Variants in GRID2IP observed in about 807,000 individuals in gnomAD.
The protein encoded by GRID2IP is delphilin.
In GRID2IP, 78 loss-of-function variants were observed where a neutral mutation model predicts 114.3. The ratio of observed to expected loss-of-function variants is 0.68; its 90% confidence interval spans 0.57 to 0.82. The LOEUF (loss-of-function observed/expected upper bound fraction) is 0.82. Among genes scored for constraint, GRID2IP ranks in the 40% least tolerant of loss-of-function variants. The probability of loss-of-function intolerance (pLI) is 0.00; values close to 1 mark genes in which losing one functional copy is unlikely to be tolerated. For synonymous variants in GRID2IP, 809 were observed against 724.0 expected (o/e 1.12, Z -1.89); for missense variants, 1,727 against 1,678.5 (o/e 1.03, Z -0.51).
intron 1 of GRID2IP, among the ~76,000 whole-genome samples, chr7:6,543,191 T>C (rs1779838944): frequency 6.6e-6 from 1 of 152,080 alleles, no homozygotes; most frequent in South Asian, 2.1e-4. Context: ...AGTTAGGAGT[T>C]CGAGACCAGC....
intron 14 of GRID2IP, among the ~76,000 whole-genome samples, chr7:6,505,588 C>G (rs545357153): frequency 6.6e-5 from 10 of 152,240 alleles, no homozygotes; most frequent in African/African-American, 1.9e-4. Context: ...AGGCTGGTCT[C>G]GAACCCCTGA....
In GRID2IP at chr7:6,532,338, G is replaced by A. The variant is rs550727685; in HGVS notation, c.585-5569C>T. Among the ~76,000 whole-genome samples the A allele has an allele frequency of 3.3e-5, 5 of 152,242 alleles. No homozygotes were observed. Among genetic ancestry groups the A allele is most frequent in the African/African-American group, 1.2e-4 (5 of 41,546 alleles). ...AGACAGGCGGGAACAGGAGAGGCAAGATGCCCCGGGGACTTTCCCTCTGTC... is the reference window on the plus strand; with the variant it reads ...AGACAGGCGGGAACAGGAGAGGCAAAATGCCCCGGGGACTTTCCCTCTGTC... On this transcript the variant is annotated intron_variant, in intron 2 of 21. Coordinates refer to ENST00000457091, the MANE Select transcript of GRID2IP (RefSeq NM_001145118.2). This position sits in a 1 kb window ranked among gnomAD's most constrained non-coding sequence, Gnocchi z 4.4.
Position 6,509,009 on chromosome 7 carries a change from G to T in GRID2IP, c.2076C>A (p.Pro692=), listed in dbSNP as rs371748347. Residue 692 remains proline, a synonymous_variant, in exon 12 of 22, where the codon CCC becomes CCA. Coordinates refer to ENST00000457091, the MANE Select transcript of GRID2IP (RefSeq NM_001145118.2). The surrounding 1 kb of genome is among the most constrained non-coding windows in gnomAD (Gnocchi z 4.9). ...FLDVLSEQLG[P]RVTIVDDFLT... ...GGAAATCATCCACGATGGTGACCCG[G>T]GGGCCCAGCTGCTCGCTCAGCACGT... is the stretch of plus-strand genomic sequence containing the variant. 363 of 1,548,300 alleles carry T rather than the reference G, an allele frequency of 2.3e-4. 2 individuals carry two copies. In the East Asian group the frequency reaches 4.5e-3, roughly 19 times the overall value.
At chr7:6,497,902 C>T in intron 21 of GRID2IP, 57 bp from the exon 22 acceptor site, 2 of 1,468,340 alleles carry the variant, frequency 1.4e-6, no homozygotes, top group South Asian at 1.2e-5. Context: ...CCTGTGACGC[C>T]TTCCCTGTCT....
Position 6,531,233 on chromosome 7 carries a change from C to G in GRID2IP, c.585-4464G>C, listed in dbSNP as rs7349987. ...GCGCGCGGCCCCTCCCGAGCCGTCC[C>G]GGCCCGCAGCCCCGCCCTGGCCCCT... On this transcript the variant is annotated intron_variant, in intron 2 of 21. Transcript: ENST00000457091. 646 of 429,438 alleles carry G rather than the reference C, an allele frequency of 1.5e-3. 1 individual carries two copies. Among genetic ancestry groups the G allele is most frequent in the Non-Finnish European group, 2.1e-3 (509 of 242,628 alleles). 26.6% of individuals were successfully genotyped at this position (429,438 alleles called of 1,614,324 possible).
At position 6,509,688 on chromosome 7, in the gene GRID2IP, C is replaced by A. The variant is rs185260303; in HGVS notation, c.1772-375G>T. On this transcript the variant is annotated intron_variant, in intron 11 of 21. Coordinates refer to ENST00000457091, the MANE Select transcript of GRID2IP (RefSeq NM_001145118.2). The surrounding 1 kb of genome is among the most constrained non-coding windows in gnomAD (Gnocchi z 4.9). Reference sequence around the variant, plus strand: ...GCAAGCCCTGAGATCACAGGAGGGCCTCCCAGGGCTCCTGCCTTCTGAGCT... The same window carrying A: ...GCAAGCCCTGAGATCACAGGAGGGCATCCCAGGGCTCCTGCCTTCTGAGCT... Among the ~76,000 whole-genome samples, 1 of 152,310 alleles carries A rather than the reference C, an allele frequency of 6.6e-6. No individual in the cohort carries two copies. Among genetic ancestry groups the A allele is most frequent in the African/African-American group, 2.4e-5 (1 of 41,566 alleles).
intron 8 of GRID2IP, among the ~76,000 whole-genome samples, chr7:6,513,869 G>C (rs13245144): frequency 1.4e-5 from 2 of 145,862 alleles, no homozygotes; most frequent in Admixed American, 7.0e-5. Context: ...GATCACTTGA[G>C]CCCAGGAGGT....
chr7:6,536,837 C>T lies in GRID2IP; in HGVS notation c.584+2881G>A. ...GGGCTCACCCCTTACTCACCCCAGG[C>T]AGCTCATGGTGGCCTCTTTCGGTGG... On this transcript the variant is annotated intron_variant, in intron 2 of 21. Coordinates refer to ENST00000457091, the MANE Select transcript of GRID2IP (RefSeq NM_001145118.2). The surrounding 1 kb of genome is among the most constrained non-coding windows in gnomAD (Gnocchi z 5.3). 2.9e-6 allele frequency: 2 copies of T among 691,796 alleles called. No homozygotes were observed. The highest frequency in any genetic ancestry group is 3.0e-5 in the South Asian group (2 of 67,430). The allele number at this position is 691,796 out of a possible 1,614,324, so 42.9% of individuals were successfully genotyped here. A position where few individuals can be genotyped will look rare whatever the true frequency, so the allele number is the denominator to read the frequency against.
intron 18 of GRID2IP, 115 bp downstream of exon 18, chr7:6,502,671 A>G: frequency 2.1e-6 from 1 of 471,334 alleles, no homozygotes; most frequent in Non-Finnish European, 3.9e-6. Context: ...CTAGGAGGAG[A>G]GCCCTCCTTG....
intron 1 of GRID2IP, 120 bp from the exon 2 acceptor site, chr7:6,539,992 C>T: frequency 3.8e-6 from 3 of 779,678 alleles, no homozygotes; most frequent in Middle Eastern, 3.0e-4. Context: ...GTGGGCGTAC[C>T]ACCTGAGTGC....
chr7:6,538,740 T>C (rs866192126), intron 2 of GRID2IP, among the ~76,000 whole-genome samples: 1 of 151,822 alleles, frequency 6.6e-6, no homozygotes, highest in African/African-American at 2.4e-5. Flanking sequence ...TAGCTGGGCG[T>C]AGTGGCACCT....
chr7:6,497,644 T>C lies in GRID2IP; in HGVS notation c.*130A>G. 1.6e-6 allele frequency: 1 copy of C among 624,078 alleles called. No individual in the cohort carries two copies. The highest frequency in any genetic ancestry group is 2.7e-6 in the Non-Finnish European group (1 of 370,800). The allele number at this position is 624,078 out of a possible 1,614,324, so 38.7% of individuals were successfully genotyped here. On this transcript the variant is annotated 3_prime_UTR_variant, in exon 22 of 22. Transcript: ENST00000457091. ...CCCGACCACAGCTCGGCGGCTGAGG[T>C]AGCTGCAGGAGAGGCTGGCGGTGTG...
chr7:6,526,441 C>T lies in GRID2IP; in HGVS notation c.833+80G>A. On this transcript the variant is annotated intron_variant, in intron 3 of 21. Transcript: ENST00000457091. The surrounding 1 kb of genome is among the most constrained non-coding windows in gnomAD (Gnocchi z 7.6). ...GCACCCCAGATGCCCAGCCCCGCCC[C>T]TACGCCCTCTCCCCGGGTCTCGGTC... The T allele has an allele frequency of 1.3e-6, 2 of 1,486,740 alleles. No individual in the cohort carries two copies. The highest frequency in any genetic ancestry group is 1.8e-6 in the Non-Finnish European group (2 of 1,116,210). The allele number at this position is 1,486,740 out of a possible 1,614,324, so 92.1% of individuals were successfully genotyped here.
chr7:6,546,866 T>C (rs1341143485), intron 1 of GRID2IP, among the ~76,000 whole-genome samples: 1 of 152,052 alleles, frequency 6.6e-6, no homozygotes, highest in Non-Finnish European at 1.5e-5. Context: ...CTGCAGGGAT[T>C]AGATGGAGTC....
chr7:6,506,067 C>T lies in GRID2IP; in HGVS notation c.2545-160G>A, dbSNP rs1191425662. On this transcript the variant is annotated intron_variant, in intron 13 of 21. Coordinates refer to ENST00000457091, the MANE Select transcript of GRID2IP (RefSeq NM_001145118.2). This position sits in a 1 kb window ranked among gnomAD's most constrained non-coding sequence, Gnocchi z 5.2. ...GAGCAGGAGGAGACTGCAGGAGAAG[C>T]CAGATCATCCGAGTCACCGGGTGCT... Among the ~76,000 whole-genome samples the T allele has an allele frequency of 6.6e-6, 1 of 152,190 alleles. No homozygotes were observed. The highest frequency in any genetic ancestry group is 1.5e-5 in the Non-Finnish European group (1 of 68,030).
intron 2 of GRID2IP, among the ~76,000 whole-genome samples, chr7:6,537,952 G>T (rs904853061): frequency 3.3e-5 from 5 of 152,180 alleles, no homozygotes; most frequent in African/African-American, 1.2e-4. Flanking sequence ...CTTCAGGCCA[G>T]CCTCTTAACC....
intron 1 of GRID2IP, among the ~76,000 whole-genome samples, chr7:6,548,039 ATAACT>A: frequency 6.6e-6 from 1 of 152,326 alleles, no homozygotes; most frequent in South Asian, 2.1e-4. Context: ...ATAGCCAATA[ATAACT>A]TAATTGTCCA....
At position 6,521,783 on chromosome 7, in the gene GRID2IP, T is replaced by G; in HGVS notation, c.989+105A>C. The G allele has an allele frequency of 1.2e-6, 1 of 861,268 alleles. No homozygotes were observed. The highest frequency in any genetic ancestry group is 1.9e-6 in the Non-Finnish European group (1 of 535,458). The allele number at this position is 861,268 out of a possible 1,614,324, so 53.4% of individuals were successfully genotyped here. A position where few individuals can be genotyped will look rare whatever the true frequency, so the allele number is the denominator to read the frequency against. On this transcript the variant is annotated intron_variant, in intron 5 of 21. Coordinates refer to ENST00000457091, the MANE Select transcript of GRID2IP (RefSeq NM_001145118.2). The surrounding 1 kb of genome is among the most constrained non-coding windows in gnomAD (Gnocchi z 4.1). ...GGGACAGACCCTGGGGACCAAATGG[T>G]GAGAGGAGATTGTGATCACAGCCTG... is the stretch of plus-strand genomic sequence containing the variant.
intron 8 of GRID2IP, among the ~76,000 whole-genome samples, chr7:6,513,680 G>A (rs1351322152): frequency 6.6e-6 from 1 of 152,192 alleles, no homozygotes; most frequent in Non-Finnish European, 1.5e-5. Flanking sequence ...GGTCACGCTG[G>A]GAAGGCGCGT....
Sources: gnomAD v4.1 joint callset for allele counts (sites outside exome capture counted in the v4.1 genomes callset) on GRCh38, gnomAD v4.1.1 for gene constraint, Gnocchi (gnomAD v3.1) non-coding constraint, MANE v1.5 for transcripts, NCBI Gene and HGNC (gene_info 2026-07-23, HGNC 2026-07-21) for gene names.